LCT: variants seen among roughly 807,000 people sequenced by gnomAD.
LCT encodes lactase.
LCT carries 90 observed loss-of-function variants against 173.0 expected under a neutral mutation model. The observed-to-expected ratio is 0.52, with a 90% CI of 0.44 to 0.62. The LOEUF (loss-of-function observed/expected upper bound fraction) is 0.62, where lower values mean the gene tolerates loss of function less well. Among genes scored for constraint, LCT ranks in the 20% least tolerant of loss-of-function variants. LCT has a pLI of 0.00. For missense variants in LCT, 1,864 were observed against 2,431.4 expected (o/e 0.77, Z 4.91); for synonymous variants, 853 against 957.6 (o/e 0.89, Z 2.02).
chr2:135,812,848 C>A lies in LCT; in HGVS notation c.1816G>T (p.Ala606Ser), dbSNP rs1292997060. The A allele has an allele frequency of 3.7e-6, 6 of 1,614,204 alleles. No homozygotes were observed. Among genetic ancestry groups the A allele is most frequent in the Non-Finnish European group, 5.1e-6 (6 of 1,180,042 alleles). Residue 606 changes from alanine to serine, a missense_variant, in exon 7 of 17, where the codon GCA becomes TCA. Around this residue, in one of 4 missense-constraint regions of LCT, gnomAD observed 755 missense variants for 926.3 expected, o/e 0.82. Transcript: ENST00000264162. ...HVGIVLNSDW[A>S]EPLSPERPED... ...GGCCTCTCTGGAGACAGGGGTTCTG[C>A]CCAGTCTGAGTTCAGCACAATGCCC...
Position 135,796,987 on chromosome 2 carries a change from G to A in LCT, c.4976+1042C>T, listed in dbSNP as rs143494548. Among the ~76,000 whole-genome samples, 783 of 138,836 alleles carry A rather than the reference G, an allele frequency of 5.6e-3. 7 individuals carry two copies. Among genetic ancestry groups the A allele is most frequent in the South Asian group, 0.041 (184 of 4,482 alleles). The allele number at this position is 138,836 out of a possible 152,430, so 91.1% of individuals were successfully genotyped here. On this transcript the variant is annotated intron_variant, in intron 13 of 16. Transcript: ENST00000264162. The stretch of plus-strand genomic sequence containing the variant: ...TTGAGACAAAGAGTCTTGCTCCATC[G>A]TCCAGGCTGGAGTGCAGTGGCATGA...
chr2:135,824,152 C>T (rs561011773), intron 3 of LCT, 149 bp from the exon 4 acceptor site: 1 of 694,160 alleles, frequency 1.4e-6, no homozygotes, highest in African/African-American at 1.8e-5. Flanking sequence ...GGAGTCAACT[C>T]TAGACTCTGA....
At position 135,812,819 on chromosome 2, in the gene LCT, C is replaced by T. The variant is rs200913371; in HGVS notation, c.1845G>A (p.Glu615=). 6.2e-7 allele frequency: 1 copy of T among 1,614,212 alleles called. No homozygotes were observed. Among genetic ancestry groups the T allele is most frequent in the East Asian group, 2.2e-5 (1 of 44,884 alleles). Residue 615 remains glutamate (E), a synonymous_variant, in exon 7 of 17, where the codon GAG becomes GAA. Transcript: ENST00000264162. Reference sequence around the variant, plus strand: ...AGAAGCGCTCAGAGGCTCTCAGGTCCTCAGGCCTCTCTGGAGACAGGGGTT... The same window carrying T: ...AGAAGCGCTCAGAGGCTCTCAGGTCTTCAGGCCTCTCTGGAGACAGGGGTT... The part of the protein sequence containing the change: ...WAEPLSPERP[E]DLRASERFLH...
At chr2:135,802,137 G>T (rs1008867842) in intron 11 of LCT, among the ~76,000 whole-genome samples, 1 of 152,160 alleles carries the variant, frequency 6.6e-6, no homozygotes, top group African/African-American at 2.4e-5. Context: ...CCAAAGGGGC[G>T]AACTAGGACC....
intron 13 of LCT, 100 bp from the exon 14 acceptor site, chr2:135,794,875 G>A: frequency 7.3e-7 from 1 of 1,362,128 alleles, no homozygotes; most frequent in Non-Finnish European, 1.0e-6. Flanking sequence ...CGAACCCCAG[G>A]CACTTGGCAG....
intron 1 of LCT, among the ~76,000 whole-genome samples, chr2:135,835,530 A>C (rs1186937690): frequency 9.5e-6 from 1 of 104,778 alleles, no homozygotes; most frequent in South Asian, 2.9e-4. Context: ...ATATATATAT[A>C]TCAGGTACTA....
chr2:135,812,440 C>G lies in LCT; in HGVS notation c.2224G>C (p.Glu742Gln). Residue 742 changes from glutamate (E) to glutamine (Q), a missense_variant, in exon 7 of 17, where the codon GAA (glutamate) becomes CAA (glutamine). This residue lies in a region of LCT where 755 missense variants were observed against 926.3 expected (regional missense o/e 0.82). Coordinates refer to ENST00000264162, the MANE Select transcript of LCT (RefSeq NM_002299.4). ...ATTGGAACTTTTCCTCTTGTGTATT[C>G]CAGGGATACAAACTGCAACAGCCTC... ...IRRLLQFVSL[E>Q]YTRGKVPIYL... The G allele has an allele frequency of 6.2e-7, 1 of 1,614,186 alleles. No individual in the cohort carries two copies. The highest frequency in any genetic ancestry group is 8.5e-7 in the Non-Finnish European group (1 of 1,180,026).
intron 3 of LCT, among the ~76,000 whole-genome samples, chr2:135,826,274 C>A (rs893271727): frequency 1.3e-5 from 2 of 152,100 alleles, no homozygotes; most frequent in South Asian, 4.2e-4. Context: ...AATGTGGTAG[C>A]CAGGTGCAGT....
At position 135,809,276 on chromosome 2, in the gene LCT, G is replaced by A; in HGVS notation, c.3071C>T (p.Pro1024Leu). The change falls in exon 8 of 17, where the codon CCC (proline) becomes CTC (leucine). Residue 1024 changes from proline to leucine, a missense_variant. Coordinates refer to ENST00000264162, the MANE Select transcript of LCT (RefSeq NM_002299.4). The surrounding 1 kb of genome is among the most constrained non-coding windows in gnomAD (Gnocchi z 5.5). ...PMVTLFHWDL[P>L]QALQDIGGWE... ...GCCTCCGATATCCTGGAGGGCCTGG[G>A]GCAGGTCCCAATGGAACAATGTCAC... 1 of 1,614,172 alleles carries A rather than the reference G, an allele frequency of 6.2e-7. No homozygotes were observed. Among genetic ancestry groups the A allele is most frequent in the Non-Finnish European group, 8.5e-7 (1 of 1,179,992 alleles).
chr2:135,818,116 C>T (rs2105543681), intron 5 of LCT, 55 bp from the exon 6 acceptor site: 6 of 1,600,770 alleles, frequency 3.7e-6, no homozygotes, highest in Admixed American at 1.7e-5. Context: ...CTGGCAGTTA[C>T]AAATGCCCCC....
chr2:135,828,546 G>C (rs1448557064), intron 3 of LCT, among the ~76,000 whole-genome samples: 1 of 152,190 alleles, frequency 6.6e-6, no homozygotes, highest in Non-Finnish European at 1.5e-5. Context: ...AGGCCCACAG[G>C]AAGGCAGCTC....
intron 13 of LCT, among the ~76,000 whole-genome samples, chr2:135,795,045 GCA>G (rs1553651428): frequency 3.6e-4 from 54 of 149,922 alleles, no homozygotes; most frequent in East Asian, 1.2e-3. Context: ...GCGCGCGCGC[GCA>G]CACACACACA....
Position 135,791,134 on chromosome 2 carries a change from A to G in LCT, c.5112-253T>C, listed in dbSNP as rs6719424. ...CGTCCTTCAATTTCTCTGCCTGTGC[A>G]GAGAATGGTCTTGCTCATGGAGCCC... On this transcript the variant is annotated intron_variant, in intron 14 of 16. Coordinates refer to ENST00000264162, the MANE Select transcript of LCT (RefSeq NM_002299.4). Among the ~76,000 whole-genome samples the G allele has an allele frequency of 9.4e-3, 1,431 of 152,348 alleles. 24 individuals are homozygous for G. The highest frequency in any genetic ancestry group is 0.033 in the African/African-American group (1,368 of 41,586).
chr2:135,801,408 T>G (rs1423337925), intron 11 of LCT, among the ~76,000 whole-genome samples: 2 of 152,106 alleles, frequency 1.3e-5, no homozygotes, highest in African/African-American at 4.8e-5. Flanking sequence ...TACAAATGAT[T>G]TTTTAAAACT....
Position 135,788,506 on chromosome 2 carries a change from C to T in LCT, c.5602G>A (p.Val1868Met). 1 of 1,612,398 alleles carries T rather than the reference C, an allele frequency of 6.2e-7. No individual in the cohort carries two copies. Among genetic ancestry groups the T allele is most frequent in the Non-Finnish European group, 8.5e-7 (1 of 1,179,710 alleles). The change falls in exon 17 of 17, where the codon GTG becomes ATG. Residue 1868 changes from valine (V) to methionine (M), a missense_variant. This residue lies in a region of LCT where 514 missense variants were observed against 750.1 expected (regional missense o/e 0.69). Coordinates refer to ENST00000264162, the MANE Select transcript of LCT (RefSeq NM_002299.4). ...PTISPVRQEE[V>M]QFLGLMLGTT... is the part of the protein sequence containing the mutation. ...CCGAGCATTAGCCCCAGGAACTGCA[C>T]CTCCTCCTGTCTCACGGGGCTGATG...
chr2:135,829,268 T>TC (rs1209866251), intron 3 of LCT, among the ~76,000 whole-genome samples: 2 of 152,028 alleles, frequency 1.3e-5, no homozygotes, highest in Non-Finnish European at 2.9e-5. Flanking sequence ...TATGGAACCA[T>TC]CACCCCCATT....
chr2:135,819,760 C>T (rs990834580), intron 5 of LCT, among the ~76,000 whole-genome samples: 10 of 152,192 alleles, frequency 6.6e-5, no homozygotes, highest in African/African-American at 1.9e-4. Flanking sequence ...CGCGTCCCCT[C>T]GGTGCTCAGC....
At position 135,812,601 on chromosome 2, in the gene LCT, G is replaced by A. The variant is rs866351778; in HGVS notation, c.2063C>T (p.Ser688Phe). ...TTGTGGGGCGTTGCTGATGAGGCGG[G>A]AGGTGTAATGCGACAGACCCAGAAA... ...ADFLGLSHYTSRLISNAPQNT... is the reference protein window; with the variant it reads ...ADFLGLSHYTFRLISNAPQNT... The change falls in exon 7 of 17, where the codon TCC becomes TTC. Residue 688 changes from serine to phenylalanine, a missense_variant. Coordinates refer to ENST00000264162, the MANE Select transcript of LCT (RefSeq NM_002299.4). 1 of 1,612,022 alleles carries A rather than the reference G, an allele frequency of 6.2e-7. No homozygotes were observed. Among genetic ancestry groups the A allele is most frequent in the Non-Finnish European group, 8.5e-7 (1 of 1,178,192 alleles).
Position 135,817,758 on chromosome 2 carries a change from G to A in LCT, c.1290C>T (p.Ser430=), listed in dbSNP as rs781235097. Residue 430 remains serine (S), a synonymous_variant, in exon 6 of 17, where the codon AGC becomes AGT. Transcript: ENST00000264162. ...CAGAGGCTACCTTGTGGTAACTGTC[G>A]CTGGCCACCTCCAGCGTCGCTTGGC... is the stretch of plus-strand genomic sequence containing the variant. ...TEGQATLEVA[S]DSYHKVASDV... 22 of 1,613,978 alleles carry A rather than the reference G, an allele frequency of 1.4e-5. No individual in the cohort carries two copies. In the East Asian group the frequency reaches 3.3e-4, roughly 25 times the overall value.
Sources: gnomAD v4.1 joint callset for allele counts (sites outside exome capture counted in the v4.1 genomes callset) on GRCh38, gnomAD v4.1.1 for gene constraint, gnomAD v4.1.1 regional missense constraint, Gnocchi (gnomAD v3.1) non-coding constraint, MANE v1.5 for transcripts, NCBI Gene and HGNC (gene_info 2026-07-23, HGNC 2026-07-21) for gene names.